Variants in LRRC20 observed in about 807,000 individuals in gnomAD.
LRRC20 encodes leucine rich repeat containing 20.
Under a neutral mutation model 14.4 loss-of-function variants are expected in LRRC20, and 11 were observed. The observed-to-expected ratio is 0.77, with a 90% confidence interval of 0.48 to 1.27. The LOEUF (loss-of-function observed/expected upper bound fraction) is 1.27, where lower values mean the gene tolerates loss of function less well. Among genes scored for constraint, LRRC20 ranks in the 50% most tolerant of loss-of-function variants. The pLI, the probability that LRRC20 is intolerant of heterozygous loss-of-function variation, is 0.00. For missense variants in LRRC20, 219 were observed against 251.2 expected, an observed-to-expected ratio of 0.87 and a Z score of 0.87; for synonymous variants, 121 against 107.3, an observed-to-expected ratio of 1.13 and a Z score of -0.79.
chr10:70,330,040 T>C (rs772712059), intron 3 of LRRC20, among the ~76,000 whole-genome samples: 1 of 152,238 alleles, frequency 6.6e-6, no homozygotes, highest in Non-Finnish European at 1.5e-5. Context: ...TTGGGAGATA[T>C]TGGTCTGTAT....
chr10:70,309,803 G>A (rs12355268), intron 4 of LRRC20, among the ~76,000 whole-genome samples: 36,208 of 152,272 alleles, frequency 0.24, 5,481 homozygotes, highest in Non-Finnish European at 0.33. Flanking sequence ...TACTTCTGAG[G>A]ATGGGGGGGT....
Position 70,301,288 on chromosome 10 carries a change from C to T in LRRC20, c.*66G>A. 4.5e-6 allele frequency: 7 copies of T among 1,545,974 alleles called. No individual in the cohort carries two copies. In the Admixed American group the frequency reaches 1.1e-4, roughly 24 times the overall value. On this transcript the variant is annotated 3_prime_UTR_variant, in exon 5 of 5. Transcript: ENST00000446961. ...CCCAGGCTTGGCCTCCCATGGGCCT[C>T]CCTCCCTTCCAGGGTTCCAGGCCTG... is the stretch of plus-strand genomic sequence containing the variant.
intron 1 of LRRC20, among the ~76,000 whole-genome samples, chr10:70,377,077 C>T (rs192500999): frequency 6.6e-6 from 1 of 152,330 alleles, no homozygotes; most frequent in African/African-American, 2.4e-5. Flanking sequence ...CCCATATCTG[C>T]CTTGTGCATG....
intron 2 of LRRC20, among the ~76,000 whole-genome samples, chr10:70,363,541 A>C (rs990266437): frequency 6.6e-6 from 1 of 152,164 alleles, no homozygotes; most frequent in Non-Finnish European, 1.5e-5. Context: ...TGAATGAACT[A>C]AGGCATCTTG....
intron 4 of LRRC20, among the ~76,000 whole-genome samples, chr10:70,311,572 T>C (rs1179472046): frequency 6.6e-6 from 1 of 152,162 alleles, no homozygotes; most frequent in African/African-American, 2.4e-5. Context: ...CTACAGGGCA[T>C]TCTGGGGTTA....
At chr10:70,317,533 G>A (rs755177260) in intron 4 of LRRC20, among the ~76,000 whole-genome samples, 12 of 152,042 alleles carry the variant, frequency 7.9e-5, no homozygotes, top group Non-Finnish European at 1.5e-4. Flanking sequence ...CACCATGCCT[G>A]GCTAATGTTT....
intron 2 of LRRC20, among the ~76,000 whole-genome samples, chr10:70,348,422 G>A (rs1429543288): frequency 1.3e-5 from 2 of 152,248 alleles, no homozygotes; most frequent in Non-Finnish European, 2.9e-5. Context: ...GCAATATGCT[G>A]TATGCCACAC....
At chr10:70,353,841 G>A (rs560026585) in intron 2 of LRRC20, among the ~76,000 whole-genome samples, 35 of 152,160 alleles carry the variant, frequency 2.3e-4, no homozygotes, top group Non-Finnish European at 3.5e-4. Context: ...AACAGATTGG[G>A]AGGTGGTGGG....
chr10:70,366,212 C>G (rs1843995666), intron 2 of LRRC20, among the ~76,000 whole-genome samples: 1 of 151,926 alleles, frequency 6.6e-6, no homozygotes, highest in Admixed American at 6.6e-5. Flanking sequence ...CACCTGAGGT[C>G]AGGAGTTCAA....
At chr10:70,363,005 T>C (rs1843806121) in intron 2 of LRRC20, among the ~76,000 whole-genome samples, 1 of 151,870 alleles carries the variant, frequency 6.6e-6, no homozygotes, top group African/African-American at 2.4e-5. Flanking sequence ...TTCAAACCTG[T>C]AACACCTATA....
At chr10:70,304,543 TATTTTTA>T (rs1474670353) in intron 4 of LRRC20, among the ~76,000 whole-genome samples, 5 of 146,116 alleles carry the variant, frequency 3.4e-5, no homozygotes. Context: ...TTTTAAATAT[TATTTTTA>T]ATTTTTAATT....
intron 2 of LRRC20, among the ~76,000 whole-genome samples, chr10:70,360,165 C>T (rs1292603683): frequency 3.9e-5 from 6 of 152,240 alleles, no homozygotes; most frequent in African/African-American, 1.2e-4. Flanking sequence ...CCACCCGCCT[C>T]AGCCTCCCAA....
At chr10:70,324,173 G>A (rs1842223308) in intron 3 of LRRC20, 143 bp from the exon 4 acceptor site, 1 of 699,282 alleles carries the variant, frequency 1.4e-6, no homozygotes, top group Non-Finnish European at 2.4e-6. Context: ...CCCCGCACAG[G>A]GCTGATTCCA....
intron 4 of LRRC20, among the ~76,000 whole-genome samples, chr10:70,302,128 C>G (rs940790859): frequency 6.6e-6 from 1 of 152,018 alleles, no homozygotes; most frequent in Non-Finnish European, 1.5e-5. Context: ...CCTGGCCAAG[C>G]TGGTGAAACC....
At chr10:70,324,194 T>C (rs999527791) in intron 3 of LRRC20, among the ~76,000 whole-genome samples, 164 bp from the exon 4 acceptor site, 2 of 152,108 alleles carry the variant, frequency 1.3e-5, no homozygotes, top group Non-Finnish European at 2.9e-5. Flanking sequence ...TGTTTATTTG[T>C]GCTAGAGGAG....
intron 3 of LRRC20, among the ~76,000 whole-genome samples, chr10:70,338,696 T>C (rs1486040122): frequency 2.6e-5 from 4 of 152,242 alleles, no homozygotes; most frequent in Non-Finnish European, 5.9e-5. Flanking sequence ...AGTCTTGCTC[T>C]GTCACCCAGG....
At chr10:70,364,573 A>C (rs527256904) in intron 2 of LRRC20, among the ~76,000 whole-genome samples, 1 of 152,014 alleles carries the variant, frequency 6.6e-6, no homozygotes, top group East Asian at 1.9e-4. Context: ...CATAAACACA[A>C]GAAGGGAGTG....
chr10:70,301,122 C>A lies in LRRC20; in HGVS notation c.*232G>T. ...AGATCTGCCTGAGTTTGCACAGCAG[C>A]TGTGAGTGCCGAGTCCAGGCTGCAG... On this transcript the variant is annotated 3_prime_UTR_variant, in exon 5 of 5. Transcript: ENST00000446961. 5.9e-6 allele frequency: 8 copies of A among 1,347,162 alleles called. No individual in the cohort carries two copies. Among genetic ancestry groups the A allele is most frequent in the Non-Finnish European group, 7.6e-6 (8 of 1,052,042 alleles). 83.5% of individuals were successfully genotyped at this position (1,347,162 alleles called of 1,614,324 possible).
At chr10:70,374,143 C>G (rs1844410046) in intron 2 of LRRC20, among the ~76,000 whole-genome samples, 2 of 152,170 alleles carry the variant, frequency 1.3e-5, no homozygotes, top group Admixed American at 1.3e-4. Flanking sequence ...GGCAGGGCCT[C>G]TCCTCCAACT....
Sources: allele counts gnomAD v4.1 joint callset (sites outside exome capture counted in the v4.1 genomes callset), GRCh38; gene constraint gnomAD v4.1.1; transcripts MANE v1.5; gene names NCBI Gene and HGNC (gene_info 2026-07-23, HGNC 2026-07-21).